TMEM117: variants seen among roughly 807,000 people sequenced by gnomAD.
TMEM117 encodes transmembrane protein 117.
TMEM117 carries 27 observed loss-of-function variants against 52.4 expected under a neutral mutation model. The ratio of observed to expected loss-of-function variants is 0.51; its 90% CI spans 0.38 to 0.71. TMEM117 has a LOEUF of 0.71. TMEM117 is among the 30% of genes least tolerant of loss of function. TMEM117 has a pLI of 0.00. For missense variants in TMEM117, 556 were observed against 630.5 expected, an observed-to-expected ratio of 0.88 and a Z score of 1.26; for synonymous variants, 215 against 206.3, an observed-to-expected ratio of 1.04 and a Z score of -0.36.
At chr12:43,859,516 A>G (rs77036302) in intron 2 of TMEM117, among the ~76,000 whole-genome samples, 1 of 149,084 alleles carries the variant, frequency 6.7e-6, no homozygotes, top group Non-Finnish European at 1.5e-5. Context: ...GGGAAAAAAA[A>G]CAGAATATAT....
At chr12:44,354,073 T>G (rs1314197805) in intron 6 of TMEM117, among the ~76,000 whole-genome samples, 1 of 152,148 alleles carries the variant, frequency 6.6e-6, no homozygotes, top group Non-Finnish European at 1.5e-5. Flanking sequence ...TGAATGAGAG[T>G]TCACTCATTA....
intron 3 of TMEM117, among the ~76,000 whole-genome samples, chr12:44,043,857 G>T (rs1370952436): frequency 6.6e-6 from 1 of 152,200 alleles, no homozygotes; most frequent in East Asian, 1.9e-4. Context: ...GAATAATGGT[G>T]GAAGGAACAT....
chr12:44,226,501 A>ATG (rs56709250), intron 5 of TMEM117, among the ~76,000 whole-genome samples: 7,805 of 149,246 alleles, frequency 0.052, 579 homozygotes, highest in African/African-American at 0.17. Context: ...AAATATATAT[A>ATG]TGTGTGTGTG....
At chr12:44,398,266 G>A in the TMEM117 span, among the ~76,000 whole-genome samples, 1 of 152,104 alleles carries the variant, frequency 6.6e-6, no homozygotes. Flanking sequence ...GCCAAAGAAG[G>A]CAGAAGAGCC....
intron 5 of TMEM117, among the ~76,000 whole-genome samples, chr12:44,226,829 G>A (rs575239681): frequency 2.6e-5 from 4 of 152,146 alleles, no homozygotes; most frequent in Admixed American, 6.6e-5. Flanking sequence ...TTGATTTGAG[G>A]CTTCTAGCCC....
intron 6 of TMEM117, among the ~76,000 whole-genome samples, chr12:44,311,823 G>A (rs59469360): frequency 0.036 from 2,992 of 83,752 alleles, 241 homozygotes; most frequent in African/African-American, 0.17. Flanking sequence ...GTATATATAT[G>A]TATATATGTA....
intron 3 of TMEM117, among the ~76,000 whole-genome samples, chr12:44,034,804 G>A (rs1946685157): frequency 1.3e-5 from 2 of 152,156 alleles, no homozygotes; most frequent in African/African-American, 4.8e-5. Context: ...TTAATTATCA[G>A]TTCTGGGTGT....
At chr12:43,984,390 A>ACAC (rs1945811950) in intron 3 of TMEM117, among the ~76,000 whole-genome samples, 1 of 151,574 alleles carries the variant, frequency 6.6e-6, no homozygotes, top group Non-Finnish European at 1.5e-5. Context: ...AACAACAACA[A>ACAC]CAACAACAAC....
At chr12:43,849,163 T>C (rs1247670124) in intron 2 of TMEM117, among the ~76,000 whole-genome samples, 1 of 152,142 alleles carries the variant, frequency 6.6e-6, no homozygotes, top group East Asian at 1.9e-4. Context: ...AGTAATTATA[T>C]GGATAGAAGA....
Position 44,103,560 on chromosome 12 carries a change from CT to C in TMEM117, c.411-39964del, listed in dbSNP as rs35186134. Reference sequence around the variant, plus strand: ...ATTAACTTTGCTTCCTATTTCTCCTCTATTACTTTTTTTCAGTTCTTCTCAT... The same window carrying C: ...ATTAACTTTGCTTCCTATTTCTCCTCATTACTTTTTTTCAGTTCTTCTCAT... On this transcript the variant is annotated intron_variant, in intron 3 of 7. Transcript: ENST00000266534. Among the ~76,000 whole-genome samples the C allele has an allele frequency of 6.9e-3, 1,056 of 152,056 alleles. 11 individuals are homozygous for C. The highest frequency in any genetic ancestry group is 8.7e-3 in the South Asian group (42 of 4,822).
At chr12:44,032,017 T>TA (rs2137871190) in intron 3 of TMEM117, among the ~76,000 whole-genome samples, 1 of 152,298 alleles carries the variant, frequency 6.6e-6, no homozygotes, top group East Asian at 1.9e-4. Context: ...TGCCACTTTC[T>TA]AACAAGTCCA....
chr12:44,056,992 A>G (rs1356753140), intron 3 of TMEM117, among the ~76,000 whole-genome samples: 2 of 152,120 alleles, frequency 1.3e-5, no homozygotes, highest in Non-Finnish European at 2.9e-5. Flanking sequence ...CATGCCTTTG[A>G]GTTGTCACTG....
intron 3 of TMEM117, among the ~76,000 whole-genome samples, chr12:44,126,731 A>T (rs887348156): frequency 6.6e-6 from 1 of 152,246 alleles, no homozygotes. Flanking sequence ...CAACATAAAC[A>T]TGACCTCTAT....
At chr12:43,814,894 G>A in the TMEM117 span, among the ~76,000 whole-genome samples, 4 of 151,876 alleles carry the variant, frequency 2.6e-5, no homozygotes, top group Admixed American at 6.6e-5. Context: ...ACAGGCACCC[G>A]CCACCATGCC....
At chr12:44,032,796 A>G (rs1946653214) in intron 3 of TMEM117, among the ~76,000 whole-genome samples, 1 of 152,156 alleles carries the variant, frequency 6.6e-6, no homozygotes, top group Non-Finnish European at 1.5e-5. Flanking sequence ...AGACCCTAAT[A>G]GTGAGGTAGG....
At chr12:44,276,908 ATGTGTGTGTG>A (rs754059220) in intron 5 of TMEM117, among the ~76,000 whole-genome samples, 3 of 143,630 alleles carry the variant, frequency 2.1e-5, no homozygotes, top group Non-Finnish European at 4.7e-5. Context: ...GTGTGTGTGT[ATGTGTGTGTG>A]TGTGTGTGTG....
the TMEM117 span, among the ~76,000 whole-genome samples, chr12:43,821,558 A>AT: frequency 2.6e-5 from 4 of 152,150 alleles, no homozygotes; most frequent in Admixed American, 2.6e-4. Flanking sequence ...TGGGATTACA[A>AT]TTGTGAGCCA....
At chr12:44,095,108 C>T (rs1192060938) in intron 3 of TMEM117, among the ~76,000 whole-genome samples, 1 of 152,024 alleles carries the variant, frequency 6.6e-6, no homozygotes, top group Non-Finnish European at 1.5e-5. Flanking sequence ...GTTCTTGCTG[C>T]TTCTGTAGTG....
intron 2 of TMEM117, among the ~76,000 whole-genome samples, chr12:43,901,518 T>C (rs944899079): frequency 6.6e-6 from 1 of 152,042 alleles, no homozygotes. Context: ...CACTATGTTG[T>C]CCAGGCTGGT....
Sources: gnomAD v4.1 joint callset for allele counts (sites outside exome capture counted in the v4.1 genomes callset) on GRCh38, gnomAD v4.1.1 for gene constraint, MANE v1.5 for transcripts, NCBI Gene and HGNC (gene_info 2026-07-23, HGNC 2026-07-21) for gene names.